Variants in WDPCP observed in about 807,000 individuals in gnomAD.
WDPCP encodes the protein WD repeat containing planar cell polarity effector.
A neutral mutation model predicts 93.1 loss-of-function variants in WDPCP; 71 were observed. The observed-to-expected ratio is 0.76, with a 90% CI of 0.63 to 0.93. WDPCP has a LOEUF of 0.93. Ranked by LOEUF, WDPCP falls within the 40% of genes least tolerant of loss-of-function variation. The pLI is 0.00. For missense variants in WDPCP, 844 were observed against 887.4 expected (o/e 0.95, Z 0.62); for synonymous variants, 315 against 315.0 (o/e 1.00, Z 0.00).
intron 1 of WDPCP, among the ~76,000 whole-genome samples, chr2:63,536,852 G>A (rs1320278661): frequency 8.2e-5 from 11 of 133,924 alleles, no homozygotes; most frequent in Admixed American, 6.3e-4. Context: ...TGCAACCTTC[G>A]CCTCCCAAGT....
chr2:63,555,844 T>C (rs1193416474), intron 1 of WDPCP, among the ~76,000 whole-genome samples: 2 of 151,880 alleles, frequency 1.3e-5, no homozygotes, highest in East Asian at 1.9e-4. Flanking sequence ...AAAAACCCCA[T>C]GCAAAGGTCA....
chr2:63,466,771 G>A (rs1699370180), intron 6 of WDPCP, among the ~76,000 whole-genome samples: 1 of 152,158 alleles, frequency 6.6e-6, no homozygotes, highest in Non-Finnish European at 1.5e-5. Flanking sequence ...TGACACATAT[G>A]ATTAACTATA....
intron 12 of WDPCP, among the ~76,000 whole-genome samples, chr2:63,332,979 G>A (rs1360951839): frequency 6.6e-6 from 1 of 152,084 alleles, no homozygotes; most frequent in South Asian, 2.1e-4. Flanking sequence ...CACTTTTCCT[G>A]AAGGTCTACA....
intron 12 of WDPCP, among the ~76,000 whole-genome samples, chr2:63,331,427 G>A (rs1441448043): frequency 3.9e-5 from 6 of 152,094 alleles, no homozygotes; most frequent in Non-Finnish European, 8.8e-5. Flanking sequence ...CTGACTGTTT[G>A]GGTTAATTTT....
At chr2:63,292,252 G>C (rs1177747288) in intron 13 of WDPCP, among the ~76,000 whole-genome samples, 1 of 152,000 alleles carries the variant, frequency 6.6e-6, no homozygotes, top group Non-Finnish European at 1.5e-5. Context: ...TTATGAGAAG[G>C]TTTAAAAAGA....
intron 3 of WDPCP, chr2:63,605,366 C>A (rs1187211729): frequency 6.2e-7 from 1 of 1,614,100 alleles, no homozygotes; most frequent in East Asian, 2.2e-5. Flanking sequence ...GTGACCACGT[C>A]AGGGACATCT....
chr2:63,447,498 A>C (rs1697947373), intron 6 of WDPCP, among the ~76,000 whole-genome samples: 1 of 152,140 alleles, frequency 6.6e-6, no homozygotes, highest in Non-Finnish European at 1.5e-5. Context: ...CAAAAGTCGG[A>C]ATACTGAAAA....
intron 3 of WDPCP, among the ~76,000 whole-genome samples, chr2:63,650,353 CA>C (rs1302292583): frequency 6.6e-6 from 1 of 152,192 alleles, no homozygotes; most frequent in African/African-American, 2.4e-5. Context: ...GTCCAGGGAC[CA>C]CACATACTTT....
intron 9 of WDPCP, among the ~76,000 whole-genome samples, chr2:63,425,357 T>G (rs1186810980): frequency 2.0e-5 from 3 of 152,200 alleles, no homozygotes; most frequent in Non-Finnish European, 4.4e-5. Flanking sequence ...ACTAGCTCCC[T>G]AGCAACAGTT....
intron 2 of WDPCP, among the ~76,000 whole-genome samples, chr2:63,763,854 A>G (rs527323833): frequency 2.0e-5 from 3 of 152,260 alleles, no homozygotes; most frequent in Admixed American, 6.5e-5. Context: ...TTCAAACGGT[A>G]CAGGGTGGTG....
intron 1 of WDPCP, among the ~76,000 whole-genome samples, chr2:63,537,676 C>T (rs935572025): frequency 6.6e-6 from 1 of 152,206 alleles, no homozygotes; most frequent in Non-Finnish European, 1.5e-5. Context: ...TGCTTACACA[C>T]GCTAGGCCTC....
rs1018196394 is a variant in WDPCP at position 63,238,555 on chromosome 2, A to G, written c.1915+20752T>C. ...CAATGAAAATTTAACATCTGATTTG[A>G]GATGTACCCTAAGATGTATCAGATA... On this transcript the variant is annotated intron_variant, in intron 14 of 17. Transcript: ENST00000272321. Among the ~76,000 whole-genome samples the G allele has an allele frequency of 4.3e-4, 65 of 152,148 alleles. 1 individual carries two copies. Among genetic ancestry groups the G allele is most frequent in the Non-Finnish European group, 1.0e-4 (7 of 68,032 alleles).
intron 3 of WDPCP, among the ~76,000 whole-genome samples, chr2:63,641,088 G>T (rs371999611): frequency 6.6e-6 from 1 of 152,076 alleles, no homozygotes; most frequent in African/African-American, 2.4e-5. Flanking sequence ...TTCTGTGCCT[G>T]CCTTTTTTCA....
intron 2 of WDPCP, among the ~76,000 whole-genome samples, chr2:63,668,996 A>G (rs1710315835): frequency 6.6e-6 from 1 of 152,128 alleles, no homozygotes; most frequent in South Asian, 2.1e-4. Flanking sequence ...TTTTGGCTAG[A>G]CCCTGGTCAA....
Position 63,822,350 on chromosome 2 carries a change from C to T in WDPCP, n.222+5272G>A, listed in dbSNP as rs115476083. ...AAGTTGTCAAAACACAAAGCACTGG[C>T]CAATATGTTACCTATTTATTATGAC... On this transcript the variant is annotated intron_variant and non_coding_transcript_variant, in intron 1 of 4. Coordinates refer to the WDPCP transcript ENST00000467687. Among the ~76,000 whole-genome samples, 1,142 of 151,758 alleles carry T rather than the reference C, an allele frequency of 7.5e-3. 13 individuals carry two copies. Among genetic ancestry groups the T allele is most frequent in the African/African-American group, 0.026 (1,074 of 41,374 alleles).
chr2:63,392,071 T>A (rs1417140926), intron 10 of WDPCP, among the ~76,000 whole-genome samples: 1 of 152,192 alleles, frequency 6.6e-6, no homozygotes, highest in Non-Finnish European at 1.5e-5. Context: ...AGAGCTTGCA[T>A]TGCCAAGACA....
chr2:63,349,178 T>C (rs951190197), intron 12 of WDPCP, among the ~76,000 whole-genome samples: 1 of 152,206 alleles, frequency 6.6e-6, no homozygotes, highest in Non-Finnish European at 1.5e-5. Flanking sequence ...AGTAATGATT[T>C]AGTCAAAGTT....
chr2:63,394,152 GGTTTAGTA>G (rs1187878265), intron 10 of WDPCP, among the ~76,000 whole-genome samples: 1 of 152,088 alleles, frequency 6.6e-6, no homozygotes, highest in East Asian at 1.9e-4. Flanking sequence ...ATCTGACAAA[GGTTTAGTA>G]TCCAGAATCT....
In WDPCP at chr2:63,351,023, C is replaced by T. The variant is rs189230538; in HGVS notation, c.1748+27363G>A. Among the ~76,000 whole-genome samples the T allele has an allele frequency of 2.4e-4, 36 of 150,596 alleles. 1 individual carries two copies. The highest frequency in any genetic ancestry group is 4.0e-4 in the Non-Finnish European group (27 of 67,770). ...TTGAGATGGAGTCTCACTCTGTTGC[C>T]CAGGCTAGAGTGCAATGGCTCAATC... On this transcript the variant is annotated intron_variant, in intron 12 of 17. Coordinates refer to ENST00000272321, the MANE Select transcript of WDPCP (RefSeq NM_015910.7).
Sources: gnomAD v4.1 joint callset for allele counts (sites outside exome capture counted in the v4.1 genomes callset) on GRCh38, gnomAD v4.1.1 for gene constraint, MANE v1.5 for transcripts, NCBI Gene and HGNC (gene_info 2026-07-23, HGNC 2026-07-21) for gene names.